DPP6: variants seen among roughly 807,000 people sequenced by gnomAD.
DPP6 encodes dipeptidyl peptidase like 6.
DPP6 carries 69 observed loss-of-function variants against 122.6 expected under a neutral mutation model. The observed-to-expected ratio is 0.56, with a 90% confidence interval of 0.46 to 0.69. DPP6 has a LOEUF of 0.69. DPP6 is among the 30% of genes least tolerant of loss of function. The pLI, the probability that DPP6 is intolerant of heterozygous loss-of-function variation, is 0.00. For synonymous variants in DPP6, 418 were observed against 433.1 expected (o/e 0.97, Z 0.43); for missense variants, 928 against 1,116.9 (o/e 0.83, Z 2.41).
At chr7:154,576,552 A>G (rs1831686045) in intron 5 of DPP6, among the ~76,000 whole-genome samples, 2 of 152,084 alleles carry the variant, frequency 1.3e-5, no homozygotes, top group East Asian at 3.9e-4. Flanking sequence ...AGTTCCTTTC[A>G]ATGCATTATT....
At chr7:154,625,649 C>A (rs1433769368) in intron 5 of DPP6, among the ~76,000 whole-genome samples, 1 of 152,180 alleles carries the variant, frequency 6.6e-6, no homozygotes, top group African/African-American at 2.4e-5. Context: ...CTATGAGGGA[C>A]CAGGGGGCTG....
At chr7:154,290,129 G>A (rs1212472312) in intron 1 of DPP6, among the ~76,000 whole-genome samples, 1 of 152,182 alleles carries the variant, frequency 6.6e-6, no homozygotes, top group Non-Finnish European at 1.5e-5. Context: ...AGGGACAAAT[G>A]TTGCTCATGT....
chr7:154,189,835 T>C (rs1798528220), intron 1 of DPP6, among the ~76,000 whole-genome samples: 1 of 152,160 alleles, frequency 6.6e-6, no homozygotes, highest in African/African-American at 2.4e-5. Flanking sequence ...AGAAACAAAA[T>C]GTGATGCAGT....
intron 5 of DPP6, among the ~76,000 whole-genome samples, chr7:154,626,960 A>C (rs1835107724): frequency 6.7e-6 from 1 of 149,674 alleles, no homozygotes; most frequent in South Asian, 2.1e-4. Context: ...CCTTTTACTA[A>C]ATATTTCAAA....
chr7:153,886,152 C>G (rs933452236), upstream of DPP6, among the ~76,000 whole-genome samples: 7 of 146,450 alleles, frequency 4.8e-5, no homozygotes, highest in Admixed American at 3.4e-4. Context: ...CACACACACA[C>G]AGCCTGATGT....
chr7:153,848,546 G>A, the DPP6 span, among the ~76,000 whole-genome samples: 1 of 151,972 alleles, frequency 6.6e-6, no homozygotes, highest in Non-Finnish European at 1.5e-5. Context: ...TATAAATATG[G>A]GTCTAACTTA....
Position 154,893,991 on chromosome 7 carries a change from T to G in DPP6, c.*1511T>G, listed in dbSNP as rs1256995431. The G allele has an allele frequency of 6.6e-6, 1 of 152,120 alleles. No homozygotes were observed. Among genetic ancestry groups the G allele is most frequent in the Non-Finnish European group, 1.5e-5 (1 of 68,020 alleles). 9.4% of individuals were successfully genotyped at this position (152,120 alleles called of 1,614,324 possible). On this transcript the variant is annotated 3_prime_UTR_variant, in exon 26 of 26. Coordinates refer to ENST00000377770, the MANE Select transcript of DPP6 (RefSeq NM_130797.4). ...GCATTTTGGCGTTTGGGGCTTTGGG[T>G]TTATCCACATGAGCTCTGAACGTCC... is the stretch of plus-strand genomic sequence containing the variant.
At chr7:154,044,698 T>C (rs2129059029) in intron 1 of DPP6, among the ~76,000 whole-genome samples, 1 of 152,272 alleles carries the variant, frequency 6.6e-6, no homozygotes, top group Non-Finnish European at 1.5e-5. Context: ...ATAAAATGGA[T>C]TTTATAATGA....
chr7:154,575,298 GGGGGGT>G, intron 5 of DPP6, among the ~76,000 whole-genome samples: 1 of 128,566 alleles, frequency 7.8e-6, no homozygotes, highest in South Asian at 2.8e-4. Flanking sequence ...GTATGTGTGT[GGGGGGT>G]GTATGTGTGT....
intron 16 of DPP6, among the ~76,000 whole-genome samples, chr7:154,839,786 T>G (rs1042771405): frequency 1.4e-4 from 21 of 152,112 alleles, no homozygotes; most frequent in African/African-American, 4.8e-4. Flanking sequence ...GAGTCCAGAA[T>G]GCTGGGCCAC....
At chr7:153,843,383 T>A in the DPP6 span, among the ~76,000 whole-genome samples, 3 of 152,176 alleles carry the variant, frequency 2.0e-5, no homozygotes, top group Non-Finnish European at 4.4e-5. Flanking sequence ...TCACAACTAC[T>A]GAACTCTGAG....
intron 3 of DPP6, among the ~76,000 whole-genome samples, chr7:154,478,998 T>G (rs1423901170): frequency 6.6e-6 from 1 of 152,224 alleles, no homozygotes; most frequent in Non-Finnish European, 1.5e-5. Context: ...ACTGCTGAAG[T>G]TAACAAGTGT....
intron 1 of DPP6, among the ~76,000 whole-genome samples, chr7:154,157,072 T>G (rs1183845647): frequency 6.6e-6 from 1 of 152,244 alleles, no homozygotes; most frequent in Non-Finnish European, 1.5e-5. Context: ...TGTGTGAGGT[T>G]CTTTCAAATG....
At chr7:154,356,214 G>A (rs188772292) in intron 1 of DPP6, among the ~76,000 whole-genome samples, 13 of 152,124 alleles carry the variant, frequency 8.5e-5, no homozygotes, top group Admixed American at 8.5e-4. Flanking sequence ...ATTTTATATT[G>A]ACTTTGCATT....
intron 1 of DPP6, among the ~76,000 whole-genome samples, chr7:153,917,363 A>G (rs1224040033): frequency 6.6e-6 from 1 of 152,210 alleles, no homozygotes; most frequent in East Asian, 1.9e-4. Flanking sequence ...ATTTAAATTG[A>G]TCCAGTATGG....
At position 154,063,237 on chromosome 7, in the gene DPP6, C is replaced by G. The variant is rs370581043; in HGVS notation, c.243+10174C>G. Reference sequence around the variant, plus strand: ...CCCCCGCGAGGCAGGGACTGAGAGCCAGCCCCTATTCCCCCACTGGCTCTT... The same window carrying G: ...CCCCCGCGAGGCAGGGACTGAGAGCGAGCCCCTATTCCCCCACTGGCTCTT... On this transcript the variant is annotated intron_variant, in intron 1 of 25. Transcript: ENST00000377770. Among the ~76,000 whole-genome samples the G allele has an allele frequency of 3.2e-4, 42 of 131,358 alleles. 4 individuals carry two copies. In the East Asian group the frequency reaches 3.2e-3, roughly 10 times the overall value. 86.2% of individuals were successfully genotyped at this position (131,358 alleles called of 152,430 possible). A position where few individuals can be genotyped will look rare whatever the true frequency, so the allele number is the denominator to read the frequency against.
chr7:154,651,143 G>T (rs1836850626), intron 6 of DPP6, among the ~76,000 whole-genome samples: 1 of 152,124 alleles, frequency 6.6e-6, no homozygotes, highest in African/African-American at 2.4e-5. Context: ...TACTGCACTA[G>T]ATACTAGCAC....
chr7:154,824,586 T>C (rs1374177024), intron 16 of DPP6, among the ~76,000 whole-genome samples: 1 of 152,220 alleles, frequency 6.6e-6, no homozygotes, highest in Admixed American at 6.5e-5. Flanking sequence ...TCCAGGAATG[T>C]TATCTTAATG....
At chr7:154,531,168 T>G (rs898262457) in intron 3 of DPP6, among the ~76,000 whole-genome samples, 1 of 152,134 alleles carries the variant, frequency 6.6e-6, no homozygotes, top group Admixed American at 6.6e-5. Context: ...ATCCTGCACA[T>G]GTACCCCAGA....
Sources: gnomAD v4.1 joint callset for allele counts (sites outside exome capture counted in the v4.1 genomes callset) on GRCh38, gnomAD v4.1.1 for gene constraint, MANE v1.5 for transcripts, NCBI Gene and HGNC (gene_info 2026-07-23, HGNC 2026-07-21) for gene names.